MYOM2: variants seen among roughly 807,000 people sequenced by gnomAD.
MYOM2 encodes myomesin 2, also known as myomesin-2.
A neutral mutation model predicts 187.6 loss-of-function variants in MYOM2; 254 were observed. The observed-to-expected ratio is 1.35, with a 90% CI of 1.22 to 1.50. MYOM2 has a LOEUF of 1.50. Ranked by LOEUF, MYOM2 falls within the 40% of genes most tolerant of loss-of-function variation. The probability of loss-of-function intolerance (pLI) is 0.00; values close to 1 mark genes in which losing one functional copy is unlikely to be tolerated. For missense variants in MYOM2, 2,796 were observed against 1,924.0 expected (o/e 1.45, Z -8.48); for synonymous variants, 981 against 753.8 (o/e 1.30, Z -4.94).
chr8:2,136,819 G>A (rs187683381), intron 32 of MYOM2, among the ~76,000 whole-genome samples: 2 of 152,178 alleles, frequency 1.3e-5, no homozygotes, highest in Non-Finnish European at 2.9e-5. Context: ...TGTGTGAGTA[G>A]AATGGATCAC....
intron 11 of MYOM2, among the ~76,000 whole-genome samples, chr8:2,077,259 A>C (rs1819458428): frequency 6.6e-6 from 1 of 152,102 alleles, no homozygotes; most frequent in South Asian, 2.1e-4. Context: ...GCAGTGAGCC[A>C]AGATTGCGCC....
chr8:2,143,311 C>G, intron 35 of MYOM2, 90 bp from the exon 36 acceptor site: 2 of 1,428,866 alleles, frequency 1.4e-6, no homozygotes, highest in East Asian at 2.3e-5. Flanking sequence ...TCACCACATT[C>G]ACCTTGGTAC....
intron 17 of MYOM2, among the ~76,000 whole-genome samples, chr8:2,095,574 G>A (rs1001774351): frequency 6.6e-6 from 1 of 152,168 alleles, no homozygotes; most frequent in Non-Finnish European, 1.5e-5. Flanking sequence ...CTACAGGCAT[G>A]AGCCACCGCA....
intron 19 of MYOM2, among the ~76,000 whole-genome samples, chr8:2,100,064 CCTTCTTTCCTTCCTTTCTT>C (rs1796635303): frequency 1.9e-5 from 2 of 102,926 alleles, no homozygotes; most frequent in Non-Finnish European, 4.6e-5. Flanking sequence ...TTCCTTCCTT[CCTTCTTTCCTTCCTTTCTT>C]CTTTCCTTCC....
chr8:2,116,704 A>G (rs1797256233), intron 27 of MYOM2, among the ~76,000 whole-genome samples: 1 of 152,214 alleles, frequency 6.6e-6, no homozygotes, highest in Non-Finnish European at 1.5e-5. Flanking sequence ...ACTAGATACA[A>G]AGGAAAATGG....
chr8:2,069,399 C>G (rs772702431), intron 7 of MYOM2, 33 bp downstream of exon 7: 5 of 1,613,776 alleles, frequency 3.1e-6, no homozygotes, highest in Non-Finnish European at 4.2e-6. Context: ...CGGGGCACCT[C>G]CCGCCTCCTT....
intron 28 of MYOM2, among the ~76,000 whole-genome samples, chr8:2,118,307 T>G (rs1797314677): frequency 6.6e-6 from 1 of 152,220 alleles, no homozygotes; most frequent in Non-Finnish European, 1.5e-5. Flanking sequence ...AGGAAAGGCA[T>G]GCTTTGGAGA....
rs574414781 is a variant in MYOM2, at chr8:2,092,395, G to T, written c.1878G>T (p.Thr626=). ...GRVLASRNTK[T]SVVVQWDRPK... is the part of the protein sequence containing the mutation. ...TTCTTGCTTCCCGAAACACCAAGAC[G>T]TCGGTGGTGGTGCAGTGGGACCGAC... The change falls in exon 16 of 37, where the codon ACG becomes ACT. Residue 626 remains threonine, a synonymous_variant. Transcript: ENST00000262113. 1.2e-6 allele frequency: 2 copies of T among 1,614,126 alleles called. No homozygotes were observed. The highest frequency in any genetic ancestry group is 8.5e-7 in the Non-Finnish European group (1 of 1,180,014).
At chr8:2,072,288 C>G in intron 8 of MYOM2, 57 bp from the exon 9 acceptor site, 1 of 1,308,726 alleles carries the variant, frequency 7.6e-7, no homozygotes, top group Non-Finnish European at 1.0e-6. Context: ...ATGAAAGCCT[C>G]CATCGTTTCA....
intron 12 of MYOM2, 134 bp from the exon 13 acceptor site, chr8:2,079,426 T>C (rs1006649704): frequency 2.4e-6 from 2 of 836,538 alleles, no homozygotes; most frequent in African/African-American, 3.3e-5. Context: ...CAGAATCAGC[T>C]CTGATGCCCC....
chr8:2,058,952 G>C (rs1030843058), intron 5 of MYOM2, among the ~76,000 whole-genome samples: 10 of 152,236 alleles, frequency 6.6e-5, no homozygotes, highest in Non-Finnish European at 1.2e-4. Context: ...GAGTCTGAAC[G>C]AGGAAAGCGC....
intron 32 of MYOM2, among the ~76,000 whole-genome samples, chr8:2,135,444 A>G (rs2116902142): frequency 6.6e-6 from 1 of 152,264 alleles, no homozygotes; most frequent in African/African-American, 2.4e-5. Flanking sequence ...GAAATGTGAA[A>G]GGCAGTGTGG....
At chr8:2,129,285 G>A in intron 32 of MYOM2, 53 bp downstream of exon 32, 3 of 1,281,360 alleles carry the variant, frequency 2.3e-6, no homozygotes, top group South Asian at 1.2e-5. Flanking sequence ...GCTGTCCAGG[G>A]CGCACAGCTG....
At chr8:2,074,665 G>T (rs148972091) in intron 10 of MYOM2, among the ~76,000 whole-genome samples, 4 of 152,208 alleles carry the variant, frequency 2.6e-5, no homozygotes, top group African/African-American at 9.6e-5. Flanking sequence ...ATGTTGGCCA[G>T]GCTGGTCTCG....
chr8:2,047,283 A>C (rs1227086883), intron 1 of MYOM2, among the ~76,000 whole-genome samples: 1 of 152,100 alleles, frequency 6.6e-6, no homozygotes, highest in Non-Finnish European at 1.5e-5. Context: ...CCCGGCCAGG[A>C]GGTGGTGGCC....
chr8:2,135,773 T>C (rs939864469), intron 32 of MYOM2, among the ~76,000 whole-genome samples: 1 of 152,228 alleles, frequency 6.6e-6, no homozygotes, highest in Non-Finnish European at 1.5e-5. Context: ...TTAATATCCC[T>C]ATATGTCCAA....
Position 2,140,727 on chromosome 8 carries a change from G to A in MYOM2, c.3805G>A (p.Ala1269Thr). The A allele has an allele frequency of 6.2e-7, 1 of 1,613,856 alleles. No homozygotes were observed. The part of the protein sequence containing the change: ...EMKVNWCHKD[A>T]KISSSEHMRI... ...GTTCCTGTTGCTCTTTTCAAGAGAT[G>A]CTAAGATCTCATCCAGTGAGCATAT... is the stretch of plus-strand genomic sequence containing the variant. Residue 1269 changes from alanine (A) to threonine (T), a missense_variant, in exon 33 of 37, where the codon GCT becomes ACT. Physicochemically the swap from Ala to Thr is moderately conservative, Grantham distance 58 (BLOSUM62 0). Coordinates refer to ENST00000262113, the MANE Select transcript of MYOM2 (RefSeq NM_003970.4).
chr8:2,131,545 G>A (rs1201930958), intron 32 of MYOM2, among the ~76,000 whole-genome samples: 3 of 151,720 alleles, frequency 2.0e-5, no homozygotes, highest in Non-Finnish European at 4.4e-5. Flanking sequence ...AGAGAAGGAG[G>A]TGTTATTGTA....
chr8:2,094,233 T>A, intron 17 of MYOM2, 142 bp downstream of exon 17: 1 of 1,103,566 alleles, frequency 9.1e-7, no homozygotes, highest in Non-Finnish European at 1.3e-6. Flanking sequence ...TGAGTTTCTT[T>A]GAAGCCTCTC....
Sources: gnomAD v4.1 joint callset for allele counts (sites outside exome capture counted in the v4.1 genomes callset) on GRCh38, gnomAD v4.1.1 for gene constraint, MANE v1.5 for transcripts, NCBI Gene and HGNC (gene_info 2026-07-23, HGNC 2026-07-21) for gene names.